MYH15: variants seen among roughly 807,000 people sequenced by gnomAD.
The protein encoded by MYH15 is myosin heavy chain 15.
A neutral mutation model predicts 240.5 loss-of-function variants in MYH15; 227 were observed. That is an observed-to-expected ratio of 0.94 (90% CI 0.85 to 1.05). The LOEUF is 1.05. Ranked by LOEUF, MYH15 falls within the 50% of genes least tolerant of loss-of-function variation. The pLI is 0.00. For missense variants in MYH15, 2,217 were observed against 2,247.5 expected (o/e 0.99, Z 0.27); for synonymous variants, 785 against 796.7 (o/e 0.99, Z 0.25).
intron 16 of MYH15, among the ~76,000 whole-genome samples, chr3:108,462,887 C>T (rs1328388552): frequency 1.3e-5 from 2 of 152,012 alleles, no homozygotes; most frequent in Admixed American, 6.6e-5. Context: ...AAGTAGAAGA[C>T]AAAAGCAGGC....
the MYH15 span, among the ~76,000 whole-genome samples, chr3:108,540,381 G>A: frequency 6.6e-6 from 1 of 152,144 alleles, no homozygotes; most frequent in Admixed American, 6.5e-5. Flanking sequence ...TGCTCTATGA[G>A]CCTGGCTCTG....
the MYH15 span, among the ~76,000 whole-genome samples, chr3:108,539,372 T>C: frequency 6.6e-6 from 1 of 152,152 alleles, no homozygotes; most frequent in Admixed American, 6.6e-5. Flanking sequence ...AGGTGGACTT[T>C]TGACTTGGGT....
At chr3:108,442,850 A>G (rs1260256894) in intron 22 of MYH15, among the ~76,000 whole-genome samples, 1 of 151,170 alleles carries the variant, frequency 6.6e-6, no homozygotes, top group African/African-American at 2.4e-5. Context: ...ATATAATAAT[A>G]TATAATGATA....
chr3:108,384,842 G>A (rs2082369984), intron 38 of MYH15, 60 bp from the exon 39 acceptor site: 8 of 1,407,216 alleles, frequency 5.7e-6, no homozygotes, highest in Non-Finnish European at 8.0e-6. Flanking sequence ...CTACGTTGGT[G>A]TAGTCTCATG....
At chr3:108,441,425 G>A (rs1188545080) in intron 22 of MYH15, among the ~76,000 whole-genome samples, 165 bp from the exon 23 acceptor site, 1 of 152,310 alleles carries the variant, frequency 6.6e-6, no homozygotes, top group Non-Finnish European at 1.5e-5. Flanking sequence ...TCCCTGATCC[G>A]ATCACTGAGA....
the MYH15 span, among the ~76,000 whole-genome samples, chr3:108,539,500 A>G: frequency 1.3e-5 from 2 of 152,196 alleles, no homozygotes; most frequent in Non-Finnish European, 2.9e-5. Flanking sequence ...AGATAGAAAA[A>G]TGATAAAGTA....
At chr3:108,539,265 T>C in the MYH15 span, among the ~76,000 whole-genome samples, 1 of 152,156 alleles carries the variant, frequency 6.6e-6, no homozygotes, top group Non-Finnish European at 1.5e-5. Context: ...AGTCCATATA[T>C]ATAAAGCTCA....
At position 108,501,846 on chromosome 3, in the gene MYH15, T is replaced by C. The variant is rs1413483447; in HGVS notation, c.205A>G (p.Ile69Val). Residue 69 changes from isoleucine (I) to valine (V), a missense_variant, in exon 3 of 41, where the codon ATA (isoleucine) becomes GTA (valine). Ile to Val is a conservative substitution (Grantham distance 29, BLOSUM62 3). Transcript: ENST00000693548. ...ATCTGCTGGATTTTGTCCTCCTTTATGCTCAGACTCTGCAGAGAGAAGAAA... is the reference window on the plus strand; with the variant it reads ...ATCTGCTGGATTTTGTCCTCCTTTACGCTCAGACTCTGCAGAGAGAAGAAA... Reference protein sequence around the residue: ...VETADGESLSIKEDKIQQMNP... With the variant: ...VETADGESLSVKEDKIQQMNP... 3.1e-6 allele frequency: 5 copies of C among 1,614,004 alleles called. No individual in the cohort carries two copies. In the South Asian group the frequency reaches 5.5e-5, roughly 18 times the overall value.
chr3:108,384,444 T>C (rs2082366188), intron 39 of MYH15, among the ~76,000 whole-genome samples: 2 of 152,186 alleles, frequency 1.3e-5, no homozygotes, highest in Admixed American at 1.3e-4. Flanking sequence ...TTTCTTGTTG[T>C]GTACCTGTTT....
intron 28 of MYH15, among the ~76,000 whole-genome samples, chr3:108,417,753 AGT>A (rs1346282955): frequency 2.6e-5 from 4 of 151,616 alleles, no homozygotes; most frequent in African/African-American, 9.7e-5. Context: ...TCCTGGAGAC[AGT>A]GTCAGATACA....
rs1488021787 is a variant in MYH15 at position 108,470,719 on chromosome 3, G to A, written c.1362C>T (p.Ile454=). The A allele has an allele frequency of 1.2e-6, 2 of 1,613,540 alleles. No homozygotes were observed. Among genetic ancestry groups the A allele is most frequent in the Non-Finnish European group, 1.7e-6 (2 of 1,179,816 alleles). The change falls in exon 13 of 41, where the codon ATC becomes ATT. Residue 454 remains isoleucine (I), a synonymous_variant. Coordinates refer to ENST00000693548, the MANE Select transcript of MYH15 (RefSeq NM_014981.3). ...TTACCTCAAGGATTTCAAAACCAGTGATGTCAAGAATGCCAATGAAGAACT... is the reference window on the plus strand; with the variant it reads ...TTACCTCAAGGATTTCAAAACCAGTAATGTCAAGAATGCCAATGAAGAACT... ...SRQFFIGILD[I]TGFEILEYNS... is the part of the protein sequence containing the mutation.
chr3:108,434,010 T>C (rs999843132), intron 25 of MYH15, among the ~76,000 whole-genome samples: 1 of 152,044 alleles, frequency 6.6e-6, no homozygotes, highest in Non-Finnish European at 1.5e-5. Flanking sequence ...CTTACTGTGA[T>C]AGAATATCAC....
At chr3:108,515,135 T>C (rs1208984174), upstream of MYH15, among the ~76,000 whole-genome samples, 14 of 152,180 alleles carry the variant, frequency 9.2e-5, no homozygotes, top group Admixed American at 9.2e-4. Context: ...ACTGGTGTCC[T>C]GGCCCAACTT....
intron 11 of MYH15, among the ~76,000 whole-genome samples, chr3:108,481,386 G>C (rs1056831953): frequency 1.3e-5 from 2 of 152,158 alleles, no homozygotes; most frequent in Non-Finnish European, 2.9e-5. Flanking sequence ...CACCAAATGA[G>C]GTCCCTGCTC....
intron 21 of MYH15, among the ~76,000 whole-genome samples, chr3:108,450,013 A>T (rs1231913513): frequency 1.3e-5 from 2 of 152,108 alleles, no homozygotes. Context: ...CCACAATGAG[A>T]TATCATCTCA....
intron 11 of MYH15, among the ~76,000 whole-genome samples, chr3:108,482,900 T>C (rs1206106306): frequency 1.3e-5 from 2 of 152,066 alleles, no homozygotes; most frequent in African/African-American, 4.8e-5. Flanking sequence ...CCAAAATTAT[T>C]TGTTGCACAA....
In MYH15 at chr3:108,391,938, G is replaced by T. The variant is rs761807355; in HGVS notation, c.5260-8C>A. 15 of 1,609,828 alleles carry T rather than the reference G, an allele frequency of 9.3e-6. No homozygotes were observed. The highest frequency in any genetic ancestry group is 6.6e-5 in the South Asian group (6 of 90,432). On this transcript the variant is annotated splice_region_variant and splice_polypyrimidine_tract_variant and intron_variant, in intron 36 of 40. Transcript: ENST00000693548. ...TTCTGACAAGTTTGCTGCCTAGGGGGTTAAAAAAAGGGACTGAGCTAGTTC... is the reference window on the plus strand; with the variant it reads ...TTCTGACAAGTTTGCTGCCTAGGGGTTTAAAAAAAGGGACTGAGCTAGTTC...
chr3:108,405,549 G>C, intron 32 of MYH15, 96 bp from the exon 33 acceptor site: 1 of 630,354 alleles, frequency 1.6e-6, no homozygotes. Context: ...AGCTCTCTTA[G>C]AGTTACTGGG....
In MYH15 at chr3:108,515,708, C is replaced by T. The variant is rs144284063; in HGVS notation, c.-57-5121G>A. On this transcript the variant is annotated intron_variant, in intron 1 of 41. Coordinates refer to the MYH15 transcript ENST00000273353. The stretch of plus-strand genomic sequence containing the variant: ...ATAGTAAAACCTCAATCACTGTTAA[C>T]TGTTCTTTTTACTATTCAACAAGCA... 5.0e-3 allele frequency among the ~76,000 whole-genome samples: 757 copies of T among 152,324 alleles called. 3 individuals carry two copies. The highest frequency in any genetic ancestry group is 7.6e-3 in the Non-Finnish European group (514 of 68,034).
Sources: gnomAD v4.1 joint callset for allele counts (sites outside exome capture counted in the v4.1 genomes callset) on GRCh38, gnomAD v4.1.1 for gene constraint, MANE v1.5 for transcripts, NCBI Gene and HGNC (gene_info 2026-07-23, HGNC 2026-07-21) for gene names.